CFAP20DC: variants seen among roughly 807,000 people sequenced by gnomAD.
CFAP20DC encodes the protein CFAP20 domain containing, also known as protein CFAP20DC.
A neutral mutation model predicts 101.7 loss-of-function variants in CFAP20DC; 84 were observed. The observed-to-expected ratio is 0.83, with a 90% confidence interval of 0.69 to 0.99. The LOEUF is 0.99. Among genes scored for constraint, CFAP20DC ranks in the 50% least tolerant of loss-of-function variants. CFAP20DC has a pLI of 0.00. For missense variants in CFAP20DC, 1,007 were observed against 970.3 expected (o/e 1.04, Z -0.50); for synonymous variants, 359 against 351.2 (o/e 1.02, Z -0.25).
At chr3:59,018,082 G>C (rs1232709889) in intron 4 of CFAP20DC, 1 of 152,088 alleles carries the variant, frequency 6.6e-6, no homozygotes, top group African/African-American at 2.4e-5. Context: ...CCAGGGGCTA[G>C]AGTGTGATCC....
chr3:58,818,195 T>C (rs1481537916), intron 14 of CFAP20DC, among the ~76,000 whole-genome samples: 2 of 151,354 alleles, frequency 1.3e-5, no homozygotes, highest in African/African-American at 2.4e-5. Context: ...CATGCCAAAA[T>C]GTAAAGACCA....
chr3:58,815,373 AC>A (rs1392642190), intron 14 of CFAP20DC, among the ~76,000 whole-genome samples: 2 of 147,478 alleles, frequency 1.4e-5, no homozygotes, highest in Non-Finnish European at 3.0e-5. Flanking sequence ...TGGATTAAAG[AC>A]TTAAACGTTA....
At chr3:59,041,942 T>G (rs1301147655) in intron 3 of CFAP20DC, among the ~76,000 whole-genome samples, 1 of 152,160 alleles carries the variant, frequency 6.6e-6, no homozygotes, top group African/African-American at 2.4e-5. Context: ...CAAGACTCAA[T>G]GCTGAAGTTT....
intron 7 of CFAP20DC, among the ~76,000 whole-genome samples, chr3:58,875,324 A>G (rs1238840798): frequency 4.6e-5 from 7 of 152,206 alleles, no homozygotes; most frequent in African/African-American, 1.7e-4. Flanking sequence ...AATGACATTC[A>G]CATTCCAGAG....
At chr3:58,973,236 C>A (rs1289767514) in intron 4 of CFAP20DC, among the ~76,000 whole-genome samples, 2 of 152,192 alleles carry the variant, frequency 1.3e-5, no homozygotes, top group African/African-American at 4.8e-5. Flanking sequence ...GGATATTTCA[C>A]AGATATTTCA....
intron 13 of CFAP20DC, among the ~76,000 whole-genome samples, chr3:58,843,601 C>T (rs1393483160): frequency 6.6e-6 from 1 of 151,784 alleles, no homozygotes; most frequent in Non-Finnish European, 1.5e-5. Context: ...AGGATATTAT[C>T]CAGGAGAACT....
At chr3:58,880,760 T>C (rs1198657833) in intron 7 of CFAP20DC, among the ~76,000 whole-genome samples, 2 of 152,104 alleles carry the variant, frequency 1.3e-5, no homozygotes, top group Admixed American at 6.5e-5. Context: ...ACACTTAAAA[T>C]TTTTTTGACA....
chr3:58,995,518 C>T (rs1020557965), intron 4 of CFAP20DC, among the ~76,000 whole-genome samples: 1 of 151,362 alleles, frequency 6.6e-6, no homozygotes, highest in Non-Finnish European at 1.5e-5. Flanking sequence ...CAAAGAATTT[C>T]ATCCTTATAT....
intron 3 of CFAP20DC, among the ~76,000 whole-genome samples, chr3:59,040,777 C>T (rs1297361863): frequency 6.6e-6 from 1 of 151,936 alleles, no homozygotes; most frequent in African/African-American, 2.4e-5. Flanking sequence ...TATGTTTTAT[C>T]CCAGATTTAC....
intron 5 of CFAP20DC, among the ~76,000 whole-genome samples, chr3:58,937,245 G>A (rs1284173653): frequency 2.0e-5 from 3 of 152,112 alleles, no homozygotes; most frequent in Admixed American, 6.5e-5. Flanking sequence ...CAGCGTCCAC[G>A]CTTCTGTCCA....
At chr3:58,780,660 C>T (rs2071748286) in intron 15 of CFAP20DC, among the ~76,000 whole-genome samples, 1 of 151,888 alleles carries the variant, frequency 6.6e-6, no homozygotes, top group Non-Finnish European at 1.5e-5. Context: ...TCACACAGAA[C>T]AGATTTTAAG....
chr3:58,802,068 A>G (rs1454152065), intron 15 of CFAP20DC, among the ~76,000 whole-genome samples: 2 of 152,204 alleles, frequency 1.3e-5, no homozygotes, highest in Non-Finnish European at 2.9e-5. Context: ...TATAATCATC[A>G]TTTGAAACGA....
At chr3:58,774,405 G>A (rs1000067282) in intron 15 of CFAP20DC, among the ~76,000 whole-genome samples, 6 of 152,290 alleles carry the variant, frequency 3.9e-5, no homozygotes, top group Admixed American at 3.9e-4. Flanking sequence ...GATGAGGACC[G>A]TAGGCGTGAA....
rs1174069286 is a variant in CFAP20DC, at chr3:58,795,173, T to C, written c.2237+11222A>G. The stretch of plus-strand genomic sequence containing the variant: ...ACTCTTGAGGGGGAAGCTGAATCTT[T>C]TAATTAAAAGCTGAAACTATAAAAC... On this transcript the variant is annotated intron_variant, in intron 15 of 16. Transcript: ENST00000482387. The surrounding 1 kb of genome is among the most constrained non-coding windows in gnomAD (Gnocchi z 4.2). Among the ~76,000 whole-genome samples the C allele has an allele frequency of 2.0e-5, 3 of 152,204 alleles. No homozygotes were observed. Among genetic ancestry groups the C allele is most frequent in the African/African-American group, 4.8e-5 (2 of 41,450 alleles).
At chr3:58,821,425 A>C (rs2075635823) in intron 14 of CFAP20DC, among the ~76,000 whole-genome samples, 2 of 152,198 alleles carry the variant, frequency 1.3e-5, no homozygotes, top group Admixed American at 6.5e-5. Flanking sequence ...CAGAATCTAC[A>C]ATGAACACAA....
chr3:59,032,174 A>G (rs1008105416), intron 4 of CFAP20DC, among the ~76,000 whole-genome samples: 1 of 152,102 alleles, frequency 6.6e-6, no homozygotes, highest in Non-Finnish European at 1.5e-5. Flanking sequence ...CCCAGATACT[A>G]CACTTTTCCC....
intron 3 of CFAP20DC, chr3:58,727,165 T>C (rs1182300365): frequency 1.3e-5 from 2 of 157,640 alleles, no homozygotes; most frequent in East Asian, 3.8e-4. Flanking sequence ...TTTGGTTCTT[T>C]CTTCTGCAAA....
At chr3:58,813,895 C>A (rs1490118874) in intron 14 of CFAP20DC, among the ~76,000 whole-genome samples, 1 of 151,896 alleles carries the variant, frequency 6.6e-6, no homozygotes, top group East Asian at 1.9e-4. Context: ...TTTGATCTCA[C>A]TAGAGAAATA....
At chr3:59,019,518 T>G (rs909487699) in intron 4 of CFAP20DC, among the ~76,000 whole-genome samples, 1 of 151,834 alleles carries the variant, frequency 6.6e-6, no homozygotes, top group African/African-American at 2.4e-5. Flanking sequence ...TCCCCCTAAA[T>G]GACCCTGCAG....
Sources: allele counts gnomAD v4.1 joint callset (sites outside exome capture counted in the v4.1 genomes callset), GRCh38; gene constraint gnomAD v4.1.1; non-coding constraint Gnocchi (gnomAD v3.1); transcripts MANE v1.5; gene names NCBI Gene and HGNC (gene_info 2026-07-23, HGNC 2026-07-21).